MYO18B: variants seen among roughly 807,000 people sequenced by gnomAD.
The protein encoded by MYO18B is myosin XVIIIB.
MYO18B carries 204 observed loss-of-function variants against 273.0 expected under a neutral mutation model. That is an observed-to-expected ratio of 0.75 (90% CI 0.67 to 0.84). MYO18B has a LOEUF of 0.84. Among genes scored for constraint, MYO18B ranks in the 40% least tolerant of loss-of-function variants. The pLI, the probability that MYO18B is intolerant of heterozygous loss-of-function variation, is 0.00. For missense variants in MYO18B, 3,212 were observed against 3,287.6 expected (o/e 0.98, Z 0.56); for synonymous variants, 1,330 against 1,305.7 (o/e 1.02, Z -0.40).
chr22:25,830,832 G>C (rs1174772869), intron 15 of MYO18B, among the ~76,000 whole-genome samples: 2 of 152,204 alleles, frequency 1.3e-5, no homozygotes, highest in Non-Finnish European at 2.9e-5. Context: ...ATAGATACAG[G>C]GAAGTGCAGA....
intron 39 of MYO18B, among the ~76,000 whole-genome samples, chr22:25,987,389 C>A (rs1337967448): frequency 6.6e-6 from 1 of 152,128 alleles, no homozygotes; most frequent in African/African-American, 2.4e-5. Context: ...ATAGTTCTCT[C>A]AAGTGATGCT....
intron 34 of MYO18B, among the ~76,000 whole-genome samples, chr22:25,932,378 CTCTTTTCTTTTCTTTTCTTTTT>C (rs1290446772): frequency 6.7e-6 from 1 of 149,508 alleles, no homozygotes; most frequent in Non-Finnish European, 1.5e-5. Flanking sequence ...TTCCTTCTTT[CTCTTTTCTTTTCTTTTCTTTTT>C]TCTTTTCTTT....
chr22:25,755,041 G>C (rs1346007654), intron 1 of MYO18B, among the ~76,000 whole-genome samples: 1 of 152,112 alleles, frequency 6.6e-6, no homozygotes, highest in African/African-American at 2.4e-5. Context: ...TTTATAATTC[G>C]GGCTTTGCTC....
At chr22:25,970,582 A>G (rs374619719) in intron 39 of MYO18B, among the ~76,000 whole-genome samples, 2 of 152,126 alleles carry the variant, frequency 1.3e-5, no homozygotes, top group African/African-American at 4.8e-5. Flanking sequence ...CAACACATTC[A>G]TTTCCCTAAC....
rs192997933 is a variant in MYO18B, at chr22:26,021,929, C to T, written c.6471-4516C>T. Among the ~76,000 whole-genome samples, 4 of 152,264 alleles carry T rather than the reference C, an allele frequency of 2.6e-5. No individual in the cohort carries two copies. The East Asian group carries it at 7.7e-4, about 29-fold the overall frequency. ...TGTTGTGACCAATGACTATTTCATCCACTAAGTTATAGAACCAGCCCCGGC... is the reference window on the plus strand; with the variant it reads ...TGTTGTGACCAATGACTATTTCATCTACTAAGTTATAGAACCAGCCCCGGC... On this transcript the variant is annotated intron_variant, in intron 42 of 43. Transcript: ENST00000335473.
chr22:25,843,818 C>A lies in MYO18B; in HGVS notation c.3292C>A (p.Leu1098Ile). 1 of 1,613,890 alleles carries A rather than the reference C, an allele frequency of 6.2e-7. No homozygotes were observed. The highest frequency in any genetic ancestry group is 8.5e-7 in the Non-Finnish European group (1 of 1,179,790). ...GGGATGGGACCCTGTGCGGTACGAC[C>A]TCACGGGCTGGCTCCACAGAGCCAA... ...QLGWDPVRYD[L>I]TGWLHRAKPN... The change falls in exon 18 of 44, where the codon CTC (leucine) becomes ATC (isoleucine). Residue 1098 changes from leucine to isoleucine, a missense_variant. Transcript: ENST00000335473.
chr22:25,962,426 A>G (rs2092928078), intron 39 of MYO18B, among the ~76,000 whole-genome samples: 1 of 152,208 alleles, frequency 6.6e-6, no homozygotes. Context: ...TTGCTTGCTG[A>G]ATAATTTTCT....
intron 42 of MYO18B, among the ~76,000 whole-genome samples, chr22:26,019,920 T>C (rs1253539580): frequency 1.3e-5 from 2 of 152,216 alleles, no homozygotes; most frequent in African/African-American, 4.8e-5. Flanking sequence ...ACTTGGACTT[T>C]CTTGGTTCAT....
intron 34 of MYO18B, among the ~76,000 whole-genome samples, chr22:25,922,773 C>G (rs2092366724): frequency 6.6e-6 from 1 of 152,154 alleles, no homozygotes; most frequent in Non-Finnish European, 1.5e-5. Flanking sequence ...ACTATAGCGC[C>G]AAGGGTTGGA....
At chr22:25,971,861 G>A (rs1396114057) in intron 39 of MYO18B, among the ~76,000 whole-genome samples, 1 of 152,144 alleles carries the variant, frequency 6.6e-6, no homozygotes, top group East Asian at 1.9e-4. Context: ...ATTTTAACTG[G>A]TATGATTTTC....
At position 25,955,082 on chromosome 22, in the gene MYO18B, C is replaced by T. The variant is rs183403357; in HGVS notation, c.5971-97C>T. 114 of 1,285,284 alleles carry T rather than the reference C, an allele frequency of 8.9e-5. No individual in the cohort carries two copies. In the African/African-American group the frequency reaches 1.5e-3, roughly 17 times the overall value. The allele number at this position is 1,285,284 out of a possible 1,614,324, so 79.6% of individuals were successfully genotyped here. A position where few individuals can be genotyped will look rare whatever the true frequency, so the allele number is the denominator to read the frequency against. On this transcript the variant is annotated intron_variant, in intron 38 of 43. Coordinates refer to ENST00000335473, the MANE Select transcript of MYO18B (RefSeq NM_032608.7). ...TATTCTTATCCTGATTATGAAAACACAGGAAACTCGGCAAAGGATTTATCT... is the reference window on the plus strand; with the variant it reads ...TATTCTTATCCTGATTATGAAAACATAGGAAACTCGGCAAAGGATTTATCT...
At chr22:25,784,335 T>TA (rs2145680254) in intron 10 of MYO18B, among the ~76,000 whole-genome samples, 1 of 152,374 alleles carries the variant, frequency 6.6e-6, no homozygotes, top group South Asian at 2.1e-4. Context: ...ACAGAGCACT[T>TA]ACTCCATGCC....
intron 8 of MYO18B, among the ~76,000 whole-genome samples, chr22:25,779,071 C>T (rs74449478): frequency 0.022 from 3,383 of 152,042 alleles, 50 homozygotes; most frequent in Non-Finnish European, 0.037. Context: ...AATGTTAATA[C>T]CACAGATAAG....
chr22:25,807,722 C>T lies in MYO18B; in HGVS notation c.2521+9625C>T, dbSNP rs1601755779. 4.6e-5 allele frequency among the ~76,000 whole-genome samples: 7 copies of T among 152,230 alleles called. No individual in the cohort carries two copies. In the South Asian group the frequency reaches 1.5e-3, roughly 32 times the overall value. Reference sequence around the variant, plus strand: ...TCTGCCATGTTCTGTTGGTAAGAATCGTGTCACAATTTCAAGGATGAGCGA... The same window carrying T: ...TCTGCCATGTTCTGTTGGTAAGAATTGTGTCACAATTTCAAGGATGAGCGA... On this transcript the variant is annotated intron_variant, in intron 12 of 43. Transcript: ENST00000335473.
chr22:25,775,055 C>T (rs2086865145), intron 7 of MYO18B, among the ~76,000 whole-genome samples: 1 of 152,214 alleles, frequency 6.6e-6, no homozygotes, highest in Non-Finnish European at 1.5e-5. Flanking sequence ...AGAATTCTTC[C>T]TTCTCCCCCT....
Position 25,768,203 on chromosome 22 carries a change from C to T in MYO18B, c.287C>T (p.Ser96Leu). The T allele has an allele frequency of 6.2e-6, 10 of 1,613,990 alleles. No homozygotes were observed. The highest frequency in any genetic ancestry group is 8.5e-6 in the Non-Finnish European group (10 of 1,179,894). The change falls in exon 4 of 44, where the codon TCA becomes TTA. Residue 96 changes from serine (S) to leucine (L), a missense_variant. Ser to Leu is a moderately radical substitution (Grantham distance 145). Transcript: ENST00000335473. ...CAGCAGATCTCTCAGGACGACCAGT[C>T]AAGCTCTCCTGGGAGCTCAGACATT... Reference protein sequence around the residue: ...GSQQISQDDQSSSPGSSDILG... With the variant: ...GSQQISQDDQLSSPGSSDILG...
At chr22:25,791,784 C>G (rs1265684961) in intron 11 of MYO18B, among the ~76,000 whole-genome samples, 2 of 152,182 alleles carry the variant, frequency 1.3e-5, no homozygotes, top group African/African-American at 4.8e-5. Flanking sequence ...GGATCACTCA[C>G]TCGTGCCAGG....
intron 40 of MYO18B, among the ~76,000 whole-genome samples, chr22:25,997,304 CCAAAAAAAAAA>C (rs1480241968): frequency 0.011 from 254 of 22,608 alleles, 16 homozygotes; most frequent in African/African-American, 0.063. Flanking sequence ...AACTCTGTCG[CCAAAAAAAAAA>C]AAAAAAAAAA....
At position 25,948,435 on chromosome 22, in the gene MYO18B, C is replaced by CTTTCTTTCT. The variant is rs1569224898; in HGVS notation, c.5748+609_5748+610insTCTTTCTTT. On this transcript the variant is annotated intron_variant, in intron 36 of 43. Transcript: ENST00000335473. ...CCTTCCTTCCTTCCTTCCTTCCTTC[C>CTTTCTTTCT]TTCCTTCCTTCCTTCCTTCCTTCCT... Among the ~76,000 whole-genome samples the CTTTCTTTCT allele has an allele frequency of 1.5e-3, 163 of 110,866 alleles. 2 individuals carry two copies. The highest frequency in any genetic ancestry group is 3.7e-3 in the African/African-American group (102 of 27,588). The allele number at this position is 110,866 out of a possible 152,430, so 72.7% of individuals were successfully genotyped here. A position where few individuals can be genotyped will look rare whatever the true frequency, so the allele number is the denominator to read the frequency against.
Sources: gnomAD v4.1 joint callset for allele counts (sites outside exome capture counted in the v4.1 genomes callset) on GRCh38, gnomAD v4.1.1 for gene constraint, MANE v1.5 for transcripts, NCBI Gene and HGNC (gene_info 2026-07-23, HGNC 2026-07-21) for gene names.